MYO5B: variants seen among roughly 807,000 people sequenced by gnomAD.
The protein encoded by MYO5B is myosin VB.
Under a neutral mutation model 229.3 loss-of-function variants are expected in MYO5B, and 143 were observed. The ratio of observed to expected loss-of-function variants is 0.62; its 90% CI spans 0.54 to 0.72. MYO5B has a LOEUF of 0.72. Ranked by LOEUF, MYO5B falls within the 30% of genes least tolerant of loss-of-function variation. The pLI, the probability that MYO5B is intolerant of heterozygous loss-of-function variation, is 0.00. For missense variants in MYO5B, 2,321 were observed against 2,331.0 expected, an observed-to-expected ratio of 1.00 and a Z score of 0.09; for synonymous variants, 918 against 885.2, an observed-to-expected ratio of 1.04 and a Z score of -0.66.
Position 49,954,304 on chromosome 18 carries a change from G to C in MYO5B, c.1668+9C>G, listed in dbSNP as rs765953982. 13 of 1,613,702 alleles carry C rather than the reference G, an allele frequency of 8.1e-6. No individual in the cohort carries two copies. The highest frequency in any genetic ancestry group is 1.7e-6 in the Non-Finnish European group (2 of 1,179,874). On this transcript the variant is annotated intron_variant, in intron 13 of 39. Coordinates refer to ENST00000285039, the MANE Select transcript of MYO5B (RefSeq NM_001080467.3). ...AGGGAATACCCGAGCCAACAGAGAG[G>C]AGAGCCACCTTGTCTGCAAAGTGGA...
chr18:50,018,493 G>A (rs982289621), intron 4 of MYO5B, among the ~76,000 whole-genome samples: 2 of 152,072 alleles, frequency 1.3e-5, no homozygotes, highest in Admixed American at 1.3e-4. Context: ...TTTTAAACTG[G>A]ATTAACATGG....
intron 18 of MYO5B, among the ~76,000 whole-genome samples, chr18:49,910,504 A>G (rs950253088): frequency 9.2e-5 from 14 of 152,184 alleles, no homozygotes; most frequent in African/African-American, 3.4e-4. Context: ...CAAAAACCTC[A>G]ATCAACTGGA....
intron 9 of MYO5B, among the ~76,000 whole-genome samples, chr18:49,975,183 G>A (rs1237404774): frequency 3.3e-5 from 5 of 152,136 alleles, no homozygotes; most frequent in African/African-American, 1.2e-4. Flanking sequence ...CCTTTGACCC[G>A]ACCCATCTAA....
intron 1 of MYO5B, among the ~76,000 whole-genome samples, chr18:50,121,755 A>T (rs2032061151): frequency 6.6e-6 from 1 of 152,188 alleles, no homozygotes; most frequent in Non-Finnish European, 1.5e-5. Context: ...TGTCTTCACT[A>T]ATGCCCAACC....
At chr18:50,088,805 C>A (rs1042595816) in intron 1 of MYO5B, among the ~76,000 whole-genome samples, 2 of 152,184 alleles carry the variant, frequency 1.3e-5, no homozygotes, top group Non-Finnish European at 2.9e-5. Flanking sequence ...GCATATCTAT[C>A]TTATCTATCC....
chr18:50,039,902 G>C (rs1011164184), intron 3 of MYO5B, among the ~76,000 whole-genome samples: 8 of 152,082 alleles, frequency 5.3e-5, no homozygotes, highest in African/African-American at 1.9e-4. Flanking sequence ...TAAGCCAGTC[G>C]CACCACATGG....
At chr18:49,901,095 C>T (rs185685146) in intron 21 of MYO5B, among the ~76,000 whole-genome samples, 5 of 152,354 alleles carry the variant, frequency 3.3e-5, no homozygotes, top group South Asian at 2.1e-4. Context: ...TATCGCAGAG[C>T]TTGGCACATG....
At chr18:50,002,739 A>T (rs2026061844) in intron 4 of MYO5B, among the ~76,000 whole-genome samples, 1 of 152,132 alleles carries the variant, frequency 6.6e-6, no homozygotes, top group Non-Finnish European at 1.5e-5. Context: ...CAAAGTACAA[A>T]CTCAATATAT....
At chr18:50,040,070 C>A (rs182028389) in intron 3 of MYO5B, 73 bp downstream of exon 3, 452 of 1,491,142 alleles carry the variant, frequency 3.0e-4, no homozygotes, top group Non-Finnish European at 4.0e-4. Context: ...GACTCCTAAG[C>A]ATTTGAGTTG....
intron 4 of MYO5B, among the ~76,000 whole-genome samples, chr18:50,009,583 A>T (rs2026140234): frequency 6.6e-6 from 1 of 152,198 alleles, no homozygotes; most frequent in African/African-American, 2.4e-5. Context: ...GTGGGGAGAG[A>T]AAAGTAAGGT....
chr18:50,079,275 C>T (rs1366021113), intron 1 of MYO5B, among the ~76,000 whole-genome samples: 1 of 152,228 alleles, frequency 6.6e-6, no homozygotes, highest in Non-Finnish European at 1.5e-5. Flanking sequence ...GCTTTACACC[C>T]TCACCACATG....
intron 36 of MYO5B, among the ~76,000 whole-genome samples, chr18:49,838,925 A>T (rs1389797996): frequency 1.3e-5 from 2 of 152,254 alleles, no homozygotes; most frequent in African/African-American, 4.8e-5. Flanking sequence ...AAAAAGAGAT[A>T]AAGGGAAAGT....
intron 17 of MYO5B, among the ~76,000 whole-genome samples, chr18:49,914,182 A>G (rs1169628992): frequency 1.3e-5 from 2 of 152,190 alleles, no homozygotes; most frequent in Non-Finnish European, 2.9e-5. Flanking sequence ...GGGCTTCAGG[A>G]GTCGCAGGCT....
chr18:50,029,505 A>C (rs1467043515), intron 4 of MYO5B, among the ~76,000 whole-genome samples: 1 of 152,204 alleles, frequency 6.6e-6, no homozygotes, highest in Non-Finnish European at 1.5e-5. Context: ...TTCACCCAAA[A>C]TTCAGGGCTG....
intron 1 of MYO5B, among the ~76,000 whole-genome samples, chr18:50,146,668 G>A (rs996931237): frequency 7.2e-5 from 11 of 152,180 alleles, no homozygotes; most frequent in East Asian, 1.9e-4. Flanking sequence ...CTTTCATCAA[G>A]GGTTATTACA....
intron 25 of MYO5B, chr18:49,876,235 C>T (rs149976178): frequency 1.9e-5 from 6 of 319,370 alleles, no homozygotes; most frequent in African/African-American, 1.1e-4. Context: ...AACATGGTTA[C>T]CAATCACTGC....
intron 39 of MYO5B, among the ~76,000 whole-genome samples, chr18:49,831,708 A>G (rs187297824): frequency 2.0e-4 from 30 of 152,306 alleles, no homozygotes; most frequent in Non-Finnish European, 3.4e-4. Context: ...GATTCCTCAA[A>G]AAGTTAAATA....
At chr18:49,849,754 G>T in intron 31 of MYO5B, 94 bp from the exon 32 acceptor site, 1 of 982,798 alleles carries the variant, frequency 1.0e-6, no homozygotes, top group African/African-American at 1.6e-5. Flanking sequence ...GACCAGTGCG[G>T]CCCATGGGCA....
chr18:50,119,457 CAG>C (rs1568114139), intron 1 of MYO5B, among the ~76,000 whole-genome samples: 2 of 152,192 alleles, frequency 1.3e-5, no homozygotes, highest in African/African-American at 4.8e-5. Flanking sequence ...TCACTGCAAA[CAG>C]AGTAATCTCG....
Sources: gnomAD v4.1 joint callset for allele counts (sites outside exome capture counted in the v4.1 genomes callset) on GRCh38, gnomAD v4.1.1 for gene constraint, MANE v1.5 for transcripts, NCBI Gene and HGNC (gene_info 2026-07-23, HGNC 2026-07-21) for gene names.